SLC12A5: variants seen among roughly 807,000 people sequenced by gnomAD.
SLC12A5 encodes the protein K-Cl cotransporter 2.
SLC12A5 carries 18 observed loss-of-function variants against 124.0 expected under a neutral mutation model. The ratio of observed to expected loss-of-function variants is 0.15; its 90% confidence interval spans 0.10 to 0.22. The LOEUF (loss-of-function observed/expected upper bound fraction) is 0.22, where lower values mean the gene tolerates loss of function less well. SLC12A5 is among the 10% of genes least tolerant of loss of function. SLC12A5 has a pLI of 1.00. For missense variants in SLC12A5, 867 were observed against 1,478.7 expected, an observed-to-expected ratio of 0.59 and a Z score of 6.78; for synonymous variants, 589 against 568.0, an observed-to-expected ratio of 1.04 and a Z score of -0.53.
In SLC12A5 at chr20:46,040,624, G is replaced by T. The variant is rs777144600; in HGVS notation, c.854+10G>T. ...ACCCACCCAACTTCCCGTGAGTGCT[G>T]CTGCTCTGAGCCCAAGGAATCGTCC... is the stretch of plus-strand genomic sequence containing the variant. On this transcript the variant is annotated intron_variant, in intron 7 of 25. Transcript: ENST00000243964. 4 of 1,612,612 alleles carry T rather than the reference G, an allele frequency of 2.5e-6. No homozygotes were observed. Among genetic ancestry groups the T allele is most frequent in the East Asian group, 2.2e-5 (1 of 44,830 alleles).
Position 46,053,355 on chromosome 20 carries a change from C to A in SLC12A5, c.2548-223C>A, listed in dbSNP as rs1021219649. ...TGCAGGTGCACTGCTGTAAGGAGAG[C>A]AATGCTTAGCCCAAGCCAGTGATGC... is the stretch of plus-strand genomic sequence containing the variant. On this transcript the variant is annotated intron_variant, in intron 19 of 25. Transcript: ENST00000243964. This position sits in a 1 kb window ranked among gnomAD's most constrained non-coding sequence, Gnocchi z 4.7. Among the ~76,000 whole-genome samples, 26 of 152,182 alleles carry A rather than the reference C, an allele frequency of 1.7e-4. No individual in the cohort carries two copies. Among genetic ancestry groups the A allele is most frequent in the African/African-American group, 6.3e-4 (26 of 41,436 alleles).
upstream of SLC12A5, among the ~76,000 whole-genome samples, chr20:46,025,700 G>A (rs998689524): frequency 2.0e-5 from 3 of 152,228 alleles, no homozygotes; most frequent in African/African-American, 7.2e-5. Context: ...CACGGAGACA[G>A]TGGTGGTTGA....
At chr20:46,052,520 A>T (rs565493196) in intron 18 of SLC12A5, among the ~76,000 whole-genome samples, 1 of 152,250 alleles carries the variant, frequency 6.6e-6, no homozygotes, top group Admixed American at 6.5e-5. Context: ...CTGGCAAACT[A>T]CAGAGTAAAT....
At position 46,058,570 on chromosome 20, in the gene SLC12A5, C is replaced by A. The variant is rs1244588332; in HGVS notation, c.*965C>A. On this transcript the variant is annotated 3_prime_UTR_variant, in exon 26 of 26. Coordinates refer to ENST00000243964, the MANE Select transcript of SLC12A5 (RefSeq NM_020708.5). The surrounding 1 kb of genome is among the most constrained non-coding windows in gnomAD (Gnocchi z 5.8). The stretch of plus-strand genomic sequence containing the variant: ...TCCTCAAGAGGAAGAAACCGAGAGG[C>A]CCGCGCCCCACCGAGGAAGCCCCGC... 2 of 399,010 alleles carry A rather than the reference C, an allele frequency of 5.0e-6. No homozygotes were observed. The highest frequency in any genetic ancestry group is 7.1e-5 in the East Asian group (2 of 28,058). The allele number at this position is 399,010 out of a possible 1,614,324, so 24.7% of individuals were successfully genotyped here.
chr20:46,042,602 A>G (rs4812986), intron 8 of SLC12A5, among the ~76,000 whole-genome samples: 5,203 of 152,218 alleles, frequency 0.034, 181 homozygotes, highest in Admixed American at 0.12. Context: ...ATGCTATAGG[A>G]CAGTCCTCCA....
intron 14 of SLC12A5, among the ~76,000 whole-genome samples, chr20:46,047,218 G>T (rs2084603504): frequency 6.6e-6 from 1 of 152,212 alleles, no homozygotes. Context: ...GGTGGTGTGG[G>T]GTGTCAGGAG....
rs554758698 is a variant in SLC12A5, at chr20:46,032,002, A to C, written c.52+2606A>C. Among the ~76,000 whole-genome samples, 29 of 152,312 alleles carry C rather than the reference A, an allele frequency of 1.9e-4. 1 individual carries two copies. In the South Asian group the frequency reaches 6.0e-3, roughly 32 times the overall value. On this transcript the variant is annotated intron_variant, in intron 1 of 25. Coordinates refer to ENST00000243964, the MANE Select transcript of SLC12A5 (RefSeq NM_020708.5). ...GGGGACGAAATCAGCCCTGGCTGAC[A>C]AGTCCCGGGAGCCTGGCGTCCCGCC...
rs1422225457 is a variant in SLC12A5 at position 46,045,788 on chromosome 20, C to A, written c.1570-90C>A. 3 of 990,802 alleles carry A rather than the reference C, an allele frequency of 3.0e-6. No individual in the cohort carries two copies. Among genetic ancestry groups the A allele is most frequent in the Non-Finnish European group, 4.7e-6 (3 of 643,798 alleles). 61.4% of individuals were successfully genotyped at this position (990,802 alleles called of 1,614,324 possible). A position where few individuals can be genotyped will look rare whatever the true frequency, so the allele number is the denominator to read the frequency against. ...CTTCCTCCTCTTTGGTGATAGGATT[C>A]CTGCCTCTACTCCACTGGTTCCCGA... On this transcript the variant is annotated intron_variant, in intron 12 of 25. Coordinates refer to ENST00000243964, the MANE Select transcript of SLC12A5 (RefSeq NM_020708.5). This position sits in a 1 kb window ranked among gnomAD's most constrained non-coding sequence, Gnocchi z 4.9.
chr20:46,041,324 C>T lies in SLC12A5; in HGVS notation c.855-5C>T. The stretch of plus-strand genomic sequence containing the variant: ...CCCACCTTCCTCCCTTGTTTCTCTC[C>T]CTAGGATCTGCCTCCTGGGTAACCG... On this transcript the variant is annotated splice_region_variant and splice_polypyrimidine_tract_variant and intron_variant, in intron 7 of 25. Transcript: ENST00000243964. 2 of 1,613,838 alleles carry T rather than the reference C, an allele frequency of 1.2e-6. No homozygotes were observed. Among genetic ancestry groups the T allele is most frequent in the Admixed American group, 1.7e-5 (1 of 60,018 alleles).
chr20:46,030,354 G>C (rs1169571642), intron 1 of SLC12A5, among the ~76,000 whole-genome samples: 3 of 152,350 alleles, frequency 2.0e-5, no homozygotes, highest in Admixed American at 2.0e-4. Flanking sequence ...AGACTCGCAA[G>C]GAGCCGAGGG....
At chr20:46,034,839 C>A in intron 1 of SLC12A5, 109 bp from the exon 2 acceptor site, 1 of 966,966 alleles carries the variant, frequency 1.0e-6, no homozygotes, top group Non-Finnish European at 1.7e-6. Context: ...CCCATTTTCC[C>A]AATGCGCGAA....
Position 46,045,241 on chromosome 20 carries a change from C to G in SLC12A5, c.1569+101C>G. The G allele has an allele frequency of 7.4e-7, 1 of 1,345,252 alleles. No homozygotes were observed. The highest frequency in any genetic ancestry group is 9.9e-7 in the Non-Finnish European group (1 of 1,007,062). 83.3% of individuals were successfully genotyped at this position (1,345,252 alleles called of 1,614,324 possible). A position where few individuals can be genotyped will look rare whatever the true frequency, so the allele number is the denominator to read the frequency against. On this transcript the variant is annotated intron_variant, in intron 12 of 25. Coordinates refer to ENST00000243964, the MANE Select transcript of SLC12A5 (RefSeq NM_020708.5). This position sits in a 1 kb window ranked among gnomAD's most constrained non-coding sequence, Gnocchi z 4.9. ...AGGGCCATAACCAGCCTTAGACTAC[C>G]TCCTGGGCCACTTCTGCTCTGTACT...
At chr20:46,044,391 G>T (rs920429207) in intron 11 of SLC12A5, among the ~76,000 whole-genome samples, 2 of 152,208 alleles carry the variant, frequency 1.3e-5, no homozygotes, top group East Asian at 3.9e-4. Context: ...AAAGCCCAGG[G>T]GCTTCAGTCC....
At chr20:46,050,303 A>G (rs1397422043) in intron 17 of SLC12A5, among the ~76,000 whole-genome samples, 1 of 152,170 alleles carries the variant, frequency 6.6e-6, no homozygotes, top group Non-Finnish European at 1.5e-5. Context: ...CAACATCAGG[A>G]TTTGAACTCA....
chr20:46,022,147 C>A (rs1294728160), intron 1 of SLC12A5: 16 of 222,296 alleles, frequency 7.2e-5, no homozygotes, highest in Non-Finnish European at 1.1e-4. Flanking sequence ...GGGGTTTGGA[C>A]GGAGGCGAAG....
chr20:46,044,012 G>A (rs1267775183), intron 11 of SLC12A5, 79 bp downstream of exon 11: 1 of 1,420,124 alleles, frequency 7.0e-7, no homozygotes, highest in East Asian at 2.3e-5. Flanking sequence ...GACCCATCAG[G>A]AGGTGCTGGG....
Position 46,058,917 on chromosome 20 carries a change from C to A in SLC12A5, c.*1312C>A. The A allele has an allele frequency of 2.5e-6, 1 of 395,752 alleles. No individual in the cohort carries two copies. Among genetic ancestry groups the A allele is most frequent in the Non-Finnish European group, 4.4e-6 (1 of 224,802 alleles). The allele number at this position is 395,752 out of a possible 1,614,324, so 24.5% of individuals were successfully genotyped here. ...TTAGCAGCGGCCTCTAGCTCCGTCT[C>A]CCGGGGACCTGGGCCTGAGGGAGGG... On this transcript the variant is annotated 3_prime_UTR_variant, in exon 26 of 26. Coordinates refer to ENST00000243964, the MANE Select transcript of SLC12A5 (RefSeq NM_020708.5). This position sits in a 1 kb window ranked among gnomAD's most constrained non-coding sequence, Gnocchi z 5.8.
Position 46,041,492 on chromosome 20 carries a change from G to A in SLC12A5, c.1018G>A (p.Val340Ile), listed in dbSNP as rs772084547. 3 of 1,614,134 alleles carry A rather than the reference G, an allele frequency of 1.9e-6. No homozygotes were observed. Among genetic ancestry groups the A allele is most frequent in the South Asian group, 1.1e-5 (1 of 91,084 alleles). ...TGATGAATACTTCACCCGAAACAAT[G>A]TCACAGAGATCCAGGGCATCCCTGG... Reference protein sequence around the residue: ...TCDEYFTRNNVTEIQGIPGAA... With the variant: ...TCDEYFTRNNITEIQGIPGAA... The change falls in exon 8 of 26, where the codon GTC becomes ATC. Residue 340 changes from valine (V) to isoleucine (I), a missense_variant. Physicochemically the swap from Val to Ile is conservative, Grantham distance 29. Coordinates refer to ENST00000243964, the MANE Select transcript of SLC12A5 (RefSeq NM_020708.5).
chr20:46,043,418 C>G (rs1210647631), intron 9 of SLC12A5, 95 bp downstream of exon 9: 2 of 1,472,304 alleles, frequency 1.4e-6, no homozygotes, highest in East Asian at 4.6e-5. Context: ...TCCAAAAACC[C>G]CATCATGAAA....
Sources: allele counts gnomAD v4.1 joint callset (sites outside exome capture counted in the v4.1 genomes callset), GRCh38; gene constraint gnomAD v4.1.1; non-coding constraint Gnocchi (gnomAD v3.1); transcripts MANE v1.5; gene names NCBI Gene and HGNC (gene_info 2026-07-23, HGNC 2026-07-21).